CDH13: variants seen among roughly 807,000 people sequenced by gnomAD.
The protein encoded by CDH13 is cadherin 13, also known as cadherin-13.
CDH13 carries 24 observed loss-of-function variants against 63.8 expected under a neutral mutation model. That is an observed-to-expected ratio of 0.38 (90% confidence interval 0.27 to 0.53). The LOEUF (loss-of-function observed/expected upper bound fraction) is 0.53. Among genes scored for constraint, CDH13 ranks in the 20% least tolerant of loss-of-function variants. CDH13 has a pLI of 0.85. For missense variants in CDH13, 1,049 were observed against 903.1 expected, an observed-to-expected ratio of 1.16 and a Z score of -2.07; for synonymous variants, 503 against 355.3, an observed-to-expected ratio of 1.42 and a Z score of -4.67.
intron 6 of CDH13, among the ~76,000 whole-genome samples, chr16:83,476,684 AC>A (rs1361820677): frequency 6.6e-6 from 1 of 151,820 alleles, no homozygotes; most frequent in African/African-American, 2.4e-5. Context: ...CTCAAAAAAA[AC>A]TCTTAAATTG....
chr16:82,976,296 A>G (rs902127739), intron 2 of CDH13, among the ~76,000 whole-genome samples: 5 of 152,014 alleles, frequency 3.3e-5, no homozygotes, highest in East Asian at 1.9e-4. Context: ...GCCTTCTTTG[A>G]CGTGCCCAGG....
intron 2 of CDH13, among the ~76,000 whole-genome samples, chr16:82,982,801 C>G (rs911247889): frequency 6.6e-6 from 1 of 152,102 alleles, no homozygotes; most frequent in East Asian, 1.9e-4. Flanking sequence ...TACAAATGGC[C>G]CTAATATTCC....
intron 7 of CDH13, among the ~76,000 whole-genome samples, chr16:83,488,310 A>G (rs979999272): frequency 2.6e-5 from 4 of 152,310 alleles, no homozygotes; most frequent in Non-Finnish European, 5.9e-5. Context: ...ATGCATGTTT[A>G]TATTTCTACT....
intron 6 of CDH13, among the ~76,000 whole-genome samples, chr16:83,388,458 T>A (rs2091721600): frequency 6.6e-6 from 1 of 151,924 alleles, no homozygotes; most frequent in African/African-American, 2.4e-5. Context: ...CTCAAAAAAA[T>A]CACATTTCTG....
chr16:82,989,623 C>T (rs1597367753), intron 2 of CDH13, among the ~76,000 whole-genome samples: 1 of 152,322 alleles, frequency 6.6e-6, no homozygotes, highest in South Asian at 2.1e-4. Context: ...ACAATGGAGA[C>T]TTTAATTTTC....
chr16:83,276,673 A>G (rs1398344701), intron 5 of CDH13, among the ~76,000 whole-genome samples: 1 of 152,100 alleles, frequency 6.6e-6, no homozygotes, highest in African/African-American at 2.4e-5. Context: ...GATCGAGACC[A>G]TCCTGGCTAA....
chr16:83,057,732 C>G (rs567448397), intron 3 of CDH13, among the ~76,000 whole-genome samples: 1 of 152,200 alleles, frequency 6.6e-6, no homozygotes, highest in East Asian at 1.9e-4. Context: ...TAAGACTTGA[C>G]AATACTAATT....
intron 5 of CDH13, among the ~76,000 whole-genome samples, chr16:83,343,768 GTGAGC>G (rs1422602579): frequency 6.6e-6 from 1 of 152,136 alleles, no homozygotes; most frequent in African/African-American, 2.4e-5. Context: ...GGTTAAAAAA[GTGAGC>G]TCTGGAGGCA....
At chr16:83,342,762 G>A (rs189724995) in intron 5 of CDH13, among the ~76,000 whole-genome samples, 2 of 151,104 alleles carry the variant, frequency 1.3e-5, no homozygotes, top group East Asian at 1.9e-4. Context: ...TATGATACTG[G>A]CCAAGTCTTA....
chr16:82,663,730 C>G (rs954088677), intron 1 of CDH13, among the ~76,000 whole-genome samples: 15 of 152,236 alleles, frequency 9.9e-5, no homozygotes, highest in African/African-American at 3.6e-4. Flanking sequence ...TGATTCGTGT[C>G]CATTTGGTTT....
At chr16:83,289,999 G>T (rs2089426193) in intron 5 of CDH13, among the ~76,000 whole-genome samples, 1 of 152,090 alleles carries the variant, frequency 6.6e-6, no homozygotes, top group Non-Finnish European at 1.5e-5. Context: ...CTCCCCAGAG[G>T]GAACCACTCT....
At chr16:83,354,144 T>C (rs2091010218) in intron 6 of CDH13, among the ~76,000 whole-genome samples, 1 of 152,114 alleles carries the variant, frequency 6.6e-6, no homozygotes, top group African/African-American at 2.4e-5. Context: ...TTGGTGACGG[T>C]TGAGCAGCTG....
intron 3 of CDH13, among the ~76,000 whole-genome samples, chr16:83,073,786 A>G (rs192654200): frequency 6.6e-6 from 1 of 152,196 alleles, no homozygotes; most frequent in East Asian, 1.9e-4. Flanking sequence ...CATAGTATGT[A>G]TATGTAATAT....
intron 6 of CDH13, among the ~76,000 whole-genome samples, chr16:83,415,371 C>G (rs949758993): frequency 3.3e-4 from 51 of 152,268 alleles, no homozygotes; most frequent in African/African-American, 1.2e-3. Flanking sequence ...TTCTCAAACT[C>G]TTCCGAACAG....
chr16:83,370,287 C>T lies in CDH13; in HGVS notation c.781+25281C>T, dbSNP rs549356522. Among the ~76,000 whole-genome samples the T allele has an allele frequency of 3.2e-3, 482 of 150,986 alleles. 2 individuals are homozygous for T. Among genetic ancestry groups the T allele is most frequent in the African/African-American group, 0.011 (454 of 41,038 alleles). ...GCTATAGTCGCAGCTACTCGGGAGG[C>T]TGAGGCAGGAGAATGGTGTGAACCC... On this transcript the variant is annotated intron_variant, in intron 6 of 13. Coordinates refer to ENST00000567109, the MANE Select transcript of CDH13 (RefSeq NM_001257.5).
At chr16:82,998,169 G>C (rs139479258) in intron 2 of CDH13, among the ~76,000 whole-genome samples, 3 of 152,112 alleles carry the variant, frequency 2.0e-5, no homozygotes, top group African/African-American at 7.2e-5. Context: ...TTTATATTTC[G>C]TCATACAGAC....
At chr16:83,250,442 A>G (rs1905384684) in intron 5 of CDH13, among the ~76,000 whole-genome samples, 1 of 152,194 alleles carries the variant, frequency 6.6e-6, no homozygotes, top group South Asian at 2.1e-4. Flanking sequence ...TCGGGGCGTG[A>G]TGAGCCCTAG....
intron 5 of CDH13, among the ~76,000 whole-genome samples, chr16:83,243,236 T>C (rs1276806060): frequency 6.6e-6 from 1 of 152,124 alleles, no homozygotes; most frequent in Non-Finnish European, 1.5e-5. Flanking sequence ...GATAAAAACA[T>C]ACCTGCGACT....
At chr16:82,800,332 G>A (rs1431802233) in intron 1 of CDH13, among the ~76,000 whole-genome samples, 1 of 152,104 alleles carries the variant, frequency 6.6e-6, no homozygotes, top group Non-Finnish European at 1.5e-5. Context: ...CCAGTTCAAT[G>A]GGTTTCATAG....
Sources: allele counts gnomAD v4.1 joint callset (sites outside exome capture counted in the v4.1 genomes callset), GRCh38; gene constraint gnomAD v4.1.1; transcripts MANE v1.5; gene names NCBI Gene and HGNC (gene_info 2026-07-23, HGNC 2026-07-21).